Variants in BRINP1 observed in about 807,000 individuals in gnomAD.
BRINP1 encodes the protein BMP/retinoic acid inducible neural specific 1.
Under a neutral mutation model 72.9 loss-of-function variants are expected in BRINP1, and 17 were observed. The observed-to-expected ratio is 0.23, with a 90% CI of 0.16 to 0.35. The LOEUF (loss-of-function observed/expected upper bound fraction) is 0.35. Among genes scored for constraint, BRINP1 ranks in the 10% least tolerant of loss-of-function variants. BRINP1 has a pLI of 1.00. For synonymous variants in BRINP1, 418 were observed against 378.5 expected (o/e 1.10, Z -1.21); for missense variants, 850 against 1,001.6 (o/e 0.85, Z 2.04).
intron 2 of BRINP1, among the ~76,000 whole-genome samples, chr9:119,254,298 T>C (rs1830423891): frequency 2.0e-5 from 3 of 152,142 alleles, no homozygotes; most frequent in Non-Finnish European, 4.4e-5. Context: ...GAGGCTGCGA[T>C]GTCCAGAAGG....
chr9:119,282,979 C>T, intron 2 of BRINP1: 1 of 985,340 alleles, frequency 1.0e-6, no homozygotes, highest in Non-Finnish European at 1.2e-6. Flanking sequence ...AAAGTTATCG[C>T]CCTCACTGAC....
chr9:119,195,394 A>C (rs1200883165), intron 7 of BRINP1, among the ~76,000 whole-genome samples: 3 of 152,212 alleles, frequency 2.0e-5, no homozygotes, highest in Non-Finnish European at 4.4e-5. Context: ...ATTACTTTAT[A>C]ATCTTGGGCA....
At chr9:119,193,456 T>C (rs574300816) in intron 7 of BRINP1, among the ~76,000 whole-genome samples, 2 of 152,172 alleles carry the variant, frequency 1.3e-5, no homozygotes, top group African/African-American at 2.4e-5. Context: ...TGGAGAAATG[T>C]AGGTCAAAGG....
At chr9:119,244,827 T>C (rs564029558) in intron 3 of BRINP1, among the ~76,000 whole-genome samples, 6 of 152,340 alleles carry the variant, frequency 3.9e-5, no homozygotes, top group East Asian at 3.9e-4. Context: ...ATAGGCCTTT[T>C]CTGAGTCTTT....
At position 119,278,724 on chromosome 9, in the gene BRINP1, C is replaced by T. The variant is rs145809407; in HGVS notation, c.219-29574G>A. ...CCAACATGGTGAAACCCTATCTCTACTAAAAATACAAAAATTAGCTGGGCG... is the reference window on the plus strand; with the variant it reads ...CCAACATGGTGAAACCCTATCTCTATTAAAAATACAAAAATTAGCTGGGCG... On this transcript the variant is annotated intron_variant, in intron 2 of 7. Coordinates refer to ENST00000265922, the MANE Select transcript of BRINP1 (RefSeq NM_014618.3). Among the ~76,000 whole-genome samples, 153 of 152,188 alleles carry T rather than the reference C, an allele frequency of 1.0e-3. 1 individual carries two copies. In the East Asian group the frequency reaches 0.027, roughly 27 times the overall value.
chr9:119,347,343 C>T (rs1035012909), intron 1 of BRINP1, among the ~76,000 whole-genome samples: 1 of 152,106 alleles, frequency 6.6e-6, no homozygotes, highest in Non-Finnish European at 1.5e-5. Context: ...ACTGTCTATG[C>T]GGGCAAGTCA....
chr9:119,310,881 G>T (rs77125908), intron 2 of BRINP1, among the ~76,000 whole-genome samples: 2 of 152,292 alleles, frequency 1.3e-5, no homozygotes, highest in Admixed American at 6.5e-5. Flanking sequence ...AATTGCCCCA[G>T]TGAGCATGTC....
chr9:119,291,023 T>G (rs1044903325), intron 2 of BRINP1, among the ~76,000 whole-genome samples: 2 of 150,188 alleles, frequency 1.3e-5, no homozygotes, highest in Non-Finnish European at 2.9e-5. Flanking sequence ...CTTCGGAGGC[T>G]GAGGCAGGAG....
At chr9:119,252,488 T>TTA (rs563759191) in intron 2 of BRINP1, among the ~76,000 whole-genome samples, 76 of 150,892 alleles carry the variant, frequency 5.0e-4, no homozygotes, top group East Asian at 2.3e-3. Context: ...AATTATGAGG[T>TTA]TATATATATA....
intron 7 of BRINP1, among the ~76,000 whole-genome samples, chr9:119,205,468 C>A (rs917601436): frequency 6.6e-6 from 1 of 152,106 alleles, no homozygotes; most frequent in African/African-American, 2.4e-5. Context: ...TTACACCTGA[C>A]GACTTGCAGA....
intron 1 of BRINP1, among the ~76,000 whole-genome samples, chr9:119,361,842 C>T (rs113288009): frequency 6.3e-4 from 85 of 135,222 alleles, no homozygotes; most frequent in African/African-American, 2.2e-3. Flanking sequence ...CTCGCTCTGT[C>T]GCCCAGGCTG....
At chr9:119,223,541 G>A (rs922046454) in intron 5 of BRINP1, among the ~76,000 whole-genome samples, 3 of 152,018 alleles carry the variant, frequency 2.0e-5, no homozygotes, top group Admixed American at 2.0e-4. Flanking sequence ...GTGTGCTCAT[G>A]TTCATGTCTC....
At chr9:119,358,632 T>A (rs1396828817) in intron 1 of BRINP1, among the ~76,000 whole-genome samples, 38 of 152,018 alleles carry the variant, frequency 2.5e-4, no homozygotes. Context: ...AGGCGGAGGT[T>A]GCAGTGAGCT....
At chr9:119,249,244 G>A in intron 2 of BRINP1, 94 bp from the exon 3 acceptor site, 1 of 1,193,948 alleles carries the variant, frequency 8.4e-7, no homozygotes. Flanking sequence ...CTCTCCTTAA[G>A]TGGGAAAGTG....
At chr9:119,332,661 A>G (rs1831311083) in intron 1 of BRINP1, among the ~76,000 whole-genome samples, 1 of 152,196 alleles carries the variant, frequency 6.6e-6, no homozygotes. Context: ...AGGGAGGATG[A>G]AAGACATGCA....
At chr9:119,254,327 A>G (rs1278081997) in intron 2 of BRINP1, among the ~76,000 whole-genome samples, 1 of 152,200 alleles carries the variant, frequency 6.6e-6, no homozygotes, top group Non-Finnish European at 1.5e-5. Flanking sequence ...CTGTCATTTC[A>G]TATAGGTCAT....
At chr9:119,186,539 C>A (rs1262682641) in intron 7 of BRINP1, among the ~76,000 whole-genome samples, 2 of 152,120 alleles carry the variant, frequency 1.3e-5, no homozygotes, top group Non-Finnish European at 2.9e-5. Flanking sequence ...ACACTTAGCA[C>A]CTGAACCAAC....
chr9:119,313,012 T>C (rs574957047), intron 2 of BRINP1, 126 bp downstream of exon 2: 4 of 1,066,508 alleles, frequency 3.8e-6, no homozygotes, highest in Admixed American at 3.0e-5. Flanking sequence ...CAAAAACAGC[T>C]TGTGGAAGGA....
At chr9:119,217,830 T>C (rs1829995020) in intron 5 of BRINP1, among the ~76,000 whole-genome samples, 1 of 152,164 alleles carries the variant, frequency 6.6e-6, no homozygotes, top group Admixed American at 6.5e-5. Context: ...GTACTGAGAA[T>C]ACATCAGAAA....
Sources: allele counts gnomAD v4.1 joint callset (sites outside exome capture counted in the v4.1 genomes callset), GRCh38; gene constraint gnomAD v4.1.1; transcripts MANE v1.5; gene names NCBI Gene and HGNC (gene_info 2026-07-23, HGNC 2026-07-21).